RSPH3: variants seen among roughly 807,000 people sequenced by gnomAD.
The protein encoded by RSPH3 is radial spoke head 3.
RSPH3 carries 21 observed loss-of-function variants against 43.8 expected under a neutral mutation model. The ratio of observed to expected loss-of-function variants is 0.48; its 90% CI spans 0.34 to 0.69. The LOEUF (loss-of-function observed/expected upper bound fraction) is 0.69, where lower values mean the gene tolerates loss of function less well. Among genes scored for constraint, RSPH3 ranks in the 30% least tolerant of loss-of-function variants. The probability of loss-of-function intolerance (pLI) is 0.01; values close to 1 mark genes in which losing one functional copy is unlikely to be tolerated. For missense variants in RSPH3, 487 were observed against 516.0 expected (o/e 0.94, Z 0.54); for synonymous variants, 173 against 179.8 (o/e 0.96, Z 0.30).
chr6:158,986,313 C>A lies in RSPH3; in HGVS notation c.313G>T (p.Val105Leu). 6.2e-7 allele frequency: 1 copy of A among 1,614,122 alleles called. No individual in the cohort carries two copies. The highest frequency in any genetic ancestry group is 1.6e-4 in the Middle Eastern group (1 of 6,062). Reference protein sequence around the residue: ...EQLRPQTPEPVEGRKHVDVQT... With the variant: ...EQLRPQTPEPLEGRKHVDVQT... ...ACATCGACATGCTTTCTGCCTTCCA[C>A]AGGTTCAGGTGTTTGTGGTCTGAGC... Residue 105 changes from valine to leucine, a missense_variant, in exon 3 of 8, where the codon GTG becomes TTG. Transcript: ENST00000367069.
At position 158,999,763 on chromosome 6, in the gene RSPH3, C is replaced by A. The variant is rs776041722; in HGVS notation, c.-213G>T. The A allele has an allele frequency of 4.3e-6, 7 of 1,611,182 alleles. No individual in the cohort carries two copies. The highest frequency in any genetic ancestry group is 5.1e-6 in the Non-Finnish European group (6 of 1,177,964). ...GGCTCGCTCCCAGCACCACAGAGAC[C>A]AGCTGCGGGGGCCGCATCGGTTGCC... On this transcript the variant is annotated 5_prime_UTR_variant, in exon 1 of 8. Transcript: ENST00000367069.
intron 2 of RSPH3, among the ~76,000 whole-genome samples, chr6:158,991,648 T>A (rs770869339): frequency 6.6e-6 from 1 of 152,206 alleles, no homozygotes; most frequent in Non-Finnish European, 1.5e-5. Context: ...CACTGACTTG[T>A]GCCATCTCCT....
chr6:158,999,546 G>A lies in RSPH3; in HGVS notation c.5C>T (p.Ala2Val). 6.2e-7 allele frequency: 1 copy of A among 1,602,916 alleles called. No homozygotes were observed. The highest frequency in any genetic ancestry group is 8.5e-7 in the Non-Finnish European group (1 of 1,172,360). The change falls in exon 1 of 8, where the codon GCC (alanine) becomes GTC (valine). Residue 2 changes from alanine (A) to valine (V), a missense_variant. By Grantham distance (64) the Ala-to-Val change is moderately conservative (BLOSUM62 0). Coordinates refer to ENST00000367069, the MANE Select transcript of RSPH3 (RefSeq NM_031924.8). ...AGAGGTGCGATCAGTCAGCGCTGAGGCCATGTCCGGGGGCTGACTGCCTCG... is the reference window on the plus strand; with the variant it reads ...AGAGGTGCGATCAGTCAGCGCTGAGACCATGTCCGGGGGCTGACTGCCTCG... Reference protein sequence around the residue: MASALTDRTSRA... With the variant: MVSALTDRTSRA...
Position 158,985,939 on chromosome 6 carries a change from G to A in RSPH3, c.346+341C>T, listed in dbSNP as rs185360266. On this transcript the variant is annotated intron_variant, in intron 3 of 7. Transcript: ENST00000367069. Reference sequence around the variant, plus strand: ...AGCGATTCTCCTGTCTTAGCCTCCCGAGTAGCTGGGATTACAGGCGACCAC... The same window carrying A: ...AGCGATTCTCCTGTCTTAGCCTCCCAAGTAGCTGGGATTACAGGCGACCAC... 4.6e-5 allele frequency among the ~76,000 whole-genome samples: 7 copies of A among 151,264 alleles called. No individual in the cohort carries two copies. In the East Asian group the frequency reaches 5.9e-4, roughly 13 times the overall value.
At chr6:158,979,447 G>C (rs12193306) in intron 6 of RSPH3, among the ~76,000 whole-genome samples, 17,159 of 152,046 alleles carry the variant, frequency 0.11, 1,699 homozygotes, top group East Asian at 0.41. Context: ...GATGATAGCC[G>C]AGAATGAACA....
intron 4 of RSPH3, 63 bp downstream of exon 4, chr6:158,983,599 T>C (rs1778112439): frequency 8.0e-7 from 1 of 1,254,412 alleles, no homozygotes; most frequent in Non-Finnish European, 1.2e-6. Flanking sequence ...TTAAGCATTA[T>C]CTACACCTAA....
chr6:158,984,594 G>A (rs1162957784), intron 3 of RSPH3, among the ~76,000 whole-genome samples: 1 of 151,276 alleles, frequency 6.6e-6, no homozygotes, highest in South Asian at 2.1e-4. Flanking sequence ...ATAAACAGAT[G>A]TATGAAAACA....
At chr6:158,965,793 T>C in the RSPH3 span, among the ~76,000 whole-genome samples, 3 of 152,138 alleles carry the variant, frequency 2.0e-5, no homozygotes, top group African/African-American at 4.8e-5. Flanking sequence ...CAGTACAATG[T>C]TGAATAAAGT....
At chr6:158,985,228 G>C (rs1006707681) in intron 3 of RSPH3, among the ~76,000 whole-genome samples, 2 of 152,202 alleles carry the variant, frequency 1.3e-5, no homozygotes, top group African/African-American at 4.8e-5. Flanking sequence ...TGTGCACAGC[G>C]ACAGAACCAG....
intron 3 of RSPH3, among the ~76,000 whole-genome samples, chr6:158,986,062 C>T (rs572059030): frequency 4.6e-5 from 7 of 152,210 alleles, no homozygotes; most frequent in Admixed American, 2.0e-4. Context: ...GCGATCTGTC[C>T]GCCTCAGCCT....
At chr6:158,987,464 T>C (rs1778271263) in intron 2 of RSPH3, among the ~76,000 whole-genome samples, 1 of 152,204 alleles carries the variant, frequency 6.6e-6, no homozygotes, top group Non-Finnish European at 1.5e-5. Context: ...TTACATTCAG[T>C]GTTATTATTG....
At chr6:158,983,515 T>C (rs1778108736) in intron 4 of RSPH3, 147 bp downstream of exon 4, 2 of 705,808 alleles carry the variant, frequency 2.8e-6, no homozygotes, top group Non-Finnish European at 5.0e-6. Flanking sequence ...TACTATATGA[T>C]AAAACCATTA....
intron 5 of RSPH3, among the ~76,000 whole-genome samples, chr6:158,982,283 T>A (rs1237003306): frequency 2.0e-5 from 3 of 152,224 alleles, no homozygotes; most frequent in Non-Finnish European, 2.9e-5. Context: ...TATATTTATG[T>A]AAGCTGGAGT....
downstream of RSPH3, among the ~76,000 whole-genome samples, chr6:158,968,396 G>A (rs1028749576): frequency 6.6e-6 from 1 of 151,706 alleles, no homozygotes; most frequent in Admixed American, 6.6e-5. Flanking sequence ...CACCATACCT[G>A]GCTAATTTTG....
chr6:158,968,903 G>C (rs1280030694), downstream of RSPH3, among the ~76,000 whole-genome samples: 1 of 152,040 alleles, frequency 6.6e-6, no homozygotes, highest in Admixed American at 6.6e-5. Flanking sequence ...TAGAGACAGG[G>C]TTTCACCATG....
chr6:158,978,161 T>G (rs1204212329), intron 7 of RSPH3, 99 bp downstream of exon 7: 2 of 740,710 alleles, frequency 2.7e-6, no homozygotes, highest in Non-Finnish European at 4.5e-6. Flanking sequence ...TACTAAAAGT[T>G]TAAATATTCA....
chr6:158,980,838 G>A lies in RSPH3; in HGVS notation c.795C>T (p.Asp265=), dbSNP rs762145078. The change falls in exon 6 of 8, where the codon GAC becomes GAT. Residue 265 remains aspartate (D), a synonymous_variant. Coordinates refer to ENST00000367069, the MANE Select transcript of RSPH3 (RefSeq NM_031924.8). ...ARAFAQRYLA[D]LLPSVFGSLR... The stretch of plus-strand genomic sequence containing the variant: ...GGCTGCCAAAAACAGACGGGAGAAG[G>A]TCAGCCAGGTAACGCTGTGCAAATG... 1.4e-5 allele frequency: 23 copies of A among 1,614,046 alleles called. No homozygotes were observed. The highest frequency in any genetic ancestry group is 1.9e-5 in the Non-Finnish European group (23 of 1,180,014).
At position 158,999,300 on chromosome 6, in the gene RSPH3, A is replaced by G. The variant is rs541385470; in HGVS notation, c.116+135T>C. The G allele has an allele frequency of 9.1e-6, 7 of 768,366 alleles. No individual in the cohort carries two copies. The Admixed American group carries it at 2.3e-4, about 25-fold the overall frequency. 47.6% of individuals were successfully genotyped at this position (768,366 alleles called of 1,614,324 possible). On this transcript the variant is annotated intron_variant, in intron 1 of 7. Coordinates refer to ENST00000367069, the MANE Select transcript of RSPH3 (RefSeq NM_031924.8). ...CACACCACGGGAGATTCCTTAGGGC[A>G]GAACTTTTATTTCGGCAGAGTGCAG...
chr6:158,978,496 G>A, intron 6 of RSPH3, 150 bp from the exon 7 acceptor site: 1 of 535,576 alleles, frequency 1.9e-6, no homozygotes, highest in African/African-American at 2.0e-5. Context: ...CCTTATATAT[G>A]TTCTGGTCAG....
Sources: allele counts gnomAD v4.1 joint callset (sites outside exome capture counted in the v4.1 genomes callset), GRCh38; gene constraint gnomAD v4.1.1; transcripts MANE v1.5; gene names NCBI Gene and HGNC (gene_info 2026-07-23, HGNC 2026-07-21).